The following DPP6 variants were observed in gnomAD, a reference collection of about 807,000 sequenced individuals.
The protein encoded by DPP6 is dipeptidyl peptidase like 6.
DPP6 carries 69 observed loss-of-function variants against 122.6 expected under a neutral mutation model. The observed-to-expected ratio is 0.56, with a 90% confidence interval of 0.46 to 0.69. The LOEUF is 0.69. Ranked by LOEUF, DPP6 falls within the 30% of genes least tolerant of loss-of-function variation. The probability of loss-of-function intolerance (pLI) is 0.00; values close to 1 mark genes in which losing one functional copy is unlikely to be tolerated. For missense variants in DPP6, 928 were observed against 1,116.9 expected, an observed-to-expected ratio of 0.83 and a Z score of 2.41; for synonymous variants, 418 against 433.1, an observed-to-expected ratio of 0.97 and a Z score of 0.43.
chr7:154,558,763 C>T (rs914357513), intron 4 of DPP6, among the ~76,000 whole-genome samples: 36 of 152,106 alleles, frequency 2.4e-4, no homozygotes, highest in Non-Finnish European at 4.9e-4. Flanking sequence ...ATGGCAGAAT[C>T]GCCCAATGGT....
chr7:154,656,974 C>T (rs1480294816), intron 6 of DPP6, among the ~76,000 whole-genome samples: 5 of 101,254 alleles, frequency 4.9e-5, no homozygotes, highest in African/African-American at 1.5e-4. Flanking sequence ...GAGGAGGTGC[C>T]CAGAGATGGG....
intron 16 of DPP6, among the ~76,000 whole-genome samples, chr7:154,812,171 A>G (rs1478351497): frequency 6.6e-6 from 1 of 152,226 alleles, no homozygotes; most frequent in East Asian, 1.9e-4. Flanking sequence ...GAGCAGATAT[A>G]GGCTATCAAA....
intron 1 of DPP6, among the ~76,000 whole-genome samples, chr7:153,978,238 T>A (rs1796409187): frequency 1.3e-5 from 2 of 152,246 alleles, no homozygotes; most frequent in African/African-American, 4.8e-5. Context: ...TTTTTAATGA[T>A]CGCCATTTTA....
intron 1 of DPP6, among the ~76,000 whole-genome samples, chr7:153,945,634 G>A (rs183673746): frequency 1.3e-5 from 2 of 152,254 alleles, no homozygotes; most frequent in Admixed American, 6.5e-5. Flanking sequence ...TTTTCTTATC[G>A]TAATTCTCCT....
At chr7:154,622,700 T>G (rs1834772062) in intron 5 of DPP6, among the ~76,000 whole-genome samples, 1 of 152,184 alleles carries the variant, frequency 6.6e-6, no homozygotes, top group Admixed American at 6.5e-5. Context: ...GAATGACCAT[T>G]AAATGAATGG....
chr7:154,079,641 G>A (rs952806834), intron 1 of DPP6, among the ~76,000 whole-genome samples: 6 of 152,190 alleles, frequency 3.9e-5, no homozygotes, highest in Admixed American at 1.3e-4. Flanking sequence ...GGGAGGGTGT[G>A]CTGGGGAAGT....
rs544859247 is a variant in DPP6, at chr7:154,481,267, A to G, written c.457+6230A>G. On this transcript the variant is annotated intron_variant, in intron 3 of 25. Transcript: ENST00000377770. This position sits in a 1 kb window ranked among gnomAD's most constrained non-coding sequence, Gnocchi z 4.2. ...ATAATTCACCCCCACAATGTTAGGT[A>G]TTGTCTATATGATGATGAGTTTCAA... 6.6e-6 allele frequency among the ~76,000 whole-genome samples: 1 copy of G among 151,810 alleles called. No individual in the cohort carries two copies. Among genetic ancestry groups the G allele is most frequent in the East Asian group, 1.9e-4 (1 of 5,152 alleles).
the DPP6 span, among the ~76,000 whole-genome samples, chr7:153,792,816 G>A: frequency 6.6e-6 from 1 of 151,868 alleles, no homozygotes; most frequent in African/African-American, 2.4e-5. Context: ...GGGACCCAGG[G>A]GGAGGTAACT....
the DPP6 span, among the ~76,000 whole-genome samples, chr7:153,787,025 C>T: frequency 6.8e-6 from 1 of 147,066 alleles, no homozygotes; most frequent in Admixed American, 6.8e-5. Context: ...GATCTCAGTT[C>T]ACTGCAAGCT....
chr7:154,686,643 G>A (rs1401183064), intron 7 of DPP6, among the ~76,000 whole-genome samples: 2 of 152,154 alleles, frequency 1.3e-5, no homozygotes, highest in African/African-American at 4.8e-5. Flanking sequence ...CCTGGAGAGG[G>A]TGGGTCAGTT....
intron 1 of DPP6, among the ~76,000 whole-genome samples, chr7:154,207,392 T>C (rs1434537283): frequency 2.0e-5 from 3 of 152,200 alleles, no homozygotes; most frequent in African/African-American, 7.2e-5. Context: ...TTAAAAAAAA[T>C]CTAGCATTAA....
At chr7:153,868,378 GGGAGGGTGTATGTGTCTA>G in the DPP6 span, among the ~76,000 whole-genome samples, 1 of 152,100 alleles carries the variant, frequency 6.6e-6, no homozygotes, top group African/African-American at 2.4e-5. Context: ...GTTTAGTCTT[GGGAGGGTGTATGTGTCTA>G]GGAATTTATC....
chr7:153,842,329 ATTCT>A, the DPP6 span, among the ~76,000 whole-genome samples: 6 of 152,276 alleles, frequency 3.9e-5, no homozygotes, highest in Admixed American at 2.6e-4. Flanking sequence ...GTAATTTACC[ATTCT>A]TTATTTGCAA....
At chr7:153,755,986 T>C in the DPP6 span, among the ~76,000 whole-genome samples, 3 of 152,190 alleles carry the variant, frequency 2.0e-5, no homozygotes, top group Admixed American at 2.0e-4. Context: ...TTCCTGCCCC[T>C]TTTCTTTTCT....
the DPP6 span, among the ~76,000 whole-genome samples, chr7:153,867,844 C>T: frequency 1.8e-4 from 28 of 152,046 alleles, 1 homozygote; most frequent in Admixed American, 9.8e-4. Flanking sequence ...TAATTTATTG[C>T]GAATTTTTAG....
At chr7:153,943,848 C>T (rs1480079791) in intron 1 of DPP6, among the ~76,000 whole-genome samples, 3 of 141,598 alleles carry the variant, frequency 2.1e-5, no homozygotes, top group African/African-American at 5.0e-5. Flanking sequence ...CTCTATGCCC[C>T]GAGTCTGAGT....
intron 1 of DPP6, among the ~76,000 whole-genome samples, chr7:154,157,229 A>G (rs867657466): frequency 2.0e-4 from 31 of 152,254 alleles, no homozygotes; most frequent in African/African-American, 7.5e-4. Context: ...CCAAGAGAAA[A>G]GAAGGAATCA....
At chr7:154,229,045 G>T (rs1585684017) in intron 1 of DPP6, among the ~76,000 whole-genome samples, 1 of 152,136 alleles carries the variant, frequency 6.6e-6, no homozygotes, top group South Asian at 2.1e-4. Context: ...TGTCCTGGTG[G>T]AGAAGCACTC....
chr7:154,501,370 CAG>C (rs1475493178), intron 3 of DPP6, among the ~76,000 whole-genome samples: 1 of 152,174 alleles, frequency 6.6e-6, no homozygotes, highest in East Asian at 1.9e-4. Context: ...CAGGCCATGT[CAG>C]AGTCATCACA....
Sources: allele counts gnomAD v4.1 joint callset (sites outside exome capture counted in the v4.1 genomes callset), GRCh38; gene constraint gnomAD v4.1.1; non-coding constraint Gnocchi (gnomAD v3.1); transcripts MANE v1.5; gene names NCBI Gene and HGNC (gene_info 2026-07-23, HGNC 2026-07-21).